THUMPD2: variants seen among roughly 807,000 people sequenced by gnomAD.
The protein encoded by THUMPD2 is THUMP domain 2 tRNA and snRNA guanosine methyltransferase.
In THUMPD2, 56 loss-of-function variants were observed where a neutral mutation model predicts 49.4. The observed-to-expected ratio is 1.13, with a 90% CI of 0.91 to 1.41. The LOEUF (loss-of-function observed/expected upper bound fraction) is 1.41, where lower values mean the gene tolerates loss of function less well. Among genes scored for constraint, THUMPD2 ranks in the 40% most tolerant of loss-of-function variants. THUMPD2 has a pLI of 0.00. For synonymous variants in THUMPD2, 237 were observed against 205.2 expected, an observed-to-expected ratio of 1.15 and a Z score of -1.32; for missense variants, 709 against 594.5, an observed-to-expected ratio of 1.19 and a Z score of -2.00.
At chr2:39,761,551 A>G in intron 5 of THUMPD2, 133 bp from the exon 6 acceptor site, 1 of 822,048 alleles carries the variant, frequency 1.2e-6, no homozygotes, top group Non-Finnish European at 1.9e-6. Flanking sequence ...CCTAAGTTAG[A>G]CAATGTTTCA....
intron 9 of THUMPD2, among the ~76,000 whole-genome samples, chr2:39,740,089 A>G (rs147461391): frequency 6.6e-6 from 1 of 152,324 alleles, no homozygotes; most frequent in Non-Finnish European, 1.5e-5. Context: ...TTTAAACTTC[A>G]GAATTATCTT....
At chr2:39,741,980 G>A (rs1010412183) in intron 9 of THUMPD2, among the ~76,000 whole-genome samples, 2 of 152,104 alleles carry the variant, frequency 1.3e-5, no homozygotes, top group South Asian at 4.2e-4. Context: ...GTAAGTTCTA[G>A]GTGGCCAGCA....
chr2:39,777,721 T>C (rs1407562537), intron 1 of THUMPD2, among the ~76,000 whole-genome samples: 3 of 152,214 alleles, frequency 2.0e-5, no homozygotes, highest in Admixed American at 6.5e-5. Flanking sequence ...GAGCAGAATA[T>C]GGAAATTCCC....
chr2:39,746,628 A>G (rs550839358), intron 8 of THUMPD2, among the ~76,000 whole-genome samples: 41 of 152,230 alleles, frequency 2.7e-4, no homozygotes, highest in Non-Finnish European at 4.9e-4. Context: ...AGGATGATTC[A>G]AGAACATGAA....
chr2:39,773,610 TATATATATATTTATATTTTA>T (rs1678658047), intron 1 of THUMPD2, among the ~76,000 whole-genome samples: 1 of 142,436 alleles, frequency 7.0e-6, no homozygotes, highest in African/African-American at 2.6e-5. Context: ...ATTTTAAAAA[TATATATATATTTATATTTTA>T]AAAATATATA....
chr2:39,773,044 G>GA (rs1678544907), intron 1 of THUMPD2, among the ~76,000 whole-genome samples: 1 of 152,110 alleles, frequency 6.6e-6, no homozygotes, highest in South Asian at 2.1e-4. Flanking sequence ...AGGAAGCAGG[G>GA]AATGAAAAGA....
chr2:39,743,263 A>G (rs1288253530), intron 9 of THUMPD2, among the ~76,000 whole-genome samples: 1 of 152,194 alleles, frequency 6.6e-6, no homozygotes, highest in Non-Finnish European at 1.5e-5. Context: ...CTGACCTCTT[A>G]TATTCATGTC....
chr2:39,751,917 G>C (rs926438459), intron 8 of THUMPD2, among the ~76,000 whole-genome samples: 3 of 152,026 alleles, frequency 2.0e-5, no homozygotes, highest in Non-Finnish European at 4.4e-5. Context: ...GAATTCTTGA[G>C]CTCAACTGAT....
intron 4 of THUMPD2, among the ~76,000 whole-genome samples, chr2:39,767,603 CAAAAA>C (rs57906396): frequency 1.5e-5 from 1 of 67,848 alleles, no homozygotes; most frequent in Non-Finnish European, 2.5e-5. Context: ...GACTCCGTCT[CAAAAA>C]AAAAAAAAAA....
intron 9 of THUMPD2, among the ~76,000 whole-genome samples, chr2:39,741,261 T>C (rs1673864503): frequency 6.6e-6 from 1 of 152,220 alleles, no homozygotes; most frequent in Non-Finnish European, 1.5e-5. Flanking sequence ...TATTTGTCCA[T>C]GGAACACATT....
intron 1 of THUMPD2, among the ~76,000 whole-genome samples, chr2:39,776,848 C>A (rs1292893543): frequency 6.6e-6 from 1 of 152,182 alleles, no homozygotes; most frequent in Non-Finnish European, 1.5e-5. Flanking sequence ...AGCACCTGGG[C>A]TTATCAGCCA....
intron 6 of THUMPD2, among the ~76,000 whole-genome samples, chr2:39,756,808 A>G (rs1194639263): frequency 6.6e-6 from 1 of 152,152 alleles, no homozygotes. Context: ...TTGACATGCT[A>G]AGAAAGTGAA....
chr2:39,763,664 C>A (rs1677127778), intron 5 of THUMPD2, among the ~76,000 whole-genome samples: 1 of 151,944 alleles, frequency 6.6e-6, no homozygotes, highest in Non-Finnish European at 1.5e-5. Flanking sequence ...CTTTTTATTT[C>A]CCTTTCATTT....
intron 8 of THUMPD2, among the ~76,000 whole-genome samples, chr2:39,752,993 C>A (rs894004381): frequency 3.9e-5 from 6 of 152,258 alleles, no homozygotes; most frequent in South Asian, 2.1e-4. Flanking sequence ...ATATAGCAGA[C>A]AAGCAATTCT....
intron 9 of THUMPD2, among the ~76,000 whole-genome samples, chr2:39,739,552 C>T (rs1673620266): frequency 6.6e-6 from 1 of 152,204 alleles, no homozygotes. Context: ...TACTGATTAA[C>T]CATCTGTCTT....
chr2:39,760,247 CATCTT>C (rs1272422373), intron 6 of THUMPD2, among the ~76,000 whole-genome samples: 16 of 152,178 alleles, frequency 1.1e-4, no homozygotes, highest in African/African-American at 3.6e-4. Flanking sequence ...CTAAAGGTCT[CATCTT>C]ATGACAGGGA....
chr2:39,775,165 G>A (rs1203080243), intron 1 of THUMPD2, among the ~76,000 whole-genome samples: 2 of 152,112 alleles, frequency 1.3e-5, no homozygotes, highest in African/African-American at 2.4e-5. Context: ...AGTCCAAGAG[G>A]CTACTCAGAA....
At position 39,779,200 on chromosome 2, in the gene THUMPD2, C is replaced by T. The variant is rs1254464885; in HGVS notation, c.40G>A (p.Ala14Thr). ...ARGEPGSGPE[A>T]GARFFCTAGR... ...GCAGTGCAGAAGAATCGGGCGCCAG[C>T]CTCAGGCCCGGACCCTGGCTCTCCA... Residue 14 changes from alanine to threonine, a missense_variant, in exon 1 of 10, where the codon GCT becomes ACT. Transcript: ENST00000505747. 2.0e-6 allele frequency: 3 copies of T among 1,517,052 alleles called. No individual in the cohort carries two copies. The highest frequency in any genetic ancestry group is 2.0e-5 in the Admixed American group (1 of 48,846). 94.0% of individuals were successfully genotyped at this position (1,517,052 alleles called of 1,614,324 possible).
rs1283811944 is a variant in THUMPD2, at chr2:39,736,938, C to T, written c.1309G>A (p.Gly437Arg). The change falls in exon 10 of 10, where the codon GGA becomes AGA. Residue 437 changes from glycine to arginine, a missense_variant. Coordinates refer to ENST00000505747, the MANE Select transcript of THUMPD2 (RefSeq NM_025264.5). Reference sequence around the variant, plus strand: ...TCAGGATTCAAGCACTTTTTAATTCCAGGTTCATCTGTGTGACTGTCCTTG... The same window carrying T: ...TCAGGATTCAAGCACTTTTTAATTCTAGGTTCATCTGTGTGACTGTCCTTG... ...NSKDSHTDEPGIKKCLNPEEK... is the reference protein window; with the variant it reads ...NSKDSHTDEPRIKKCLNPEEK... The T allele has an allele frequency of 1.2e-6, 2 of 1,613,924 alleles. No individual in the cohort carries two copies. The highest frequency in any genetic ancestry group is 3.3e-5 in the Admixed American group (2 of 59,988).
Sources: gnomAD v4.1 joint callset for allele counts (sites outside exome capture counted in the v4.1 genomes callset) on GRCh38, gnomAD v4.1.1 for gene constraint, MANE v1.5 for transcripts, NCBI Gene and HGNC (gene_info 2026-07-23, HGNC 2026-07-21) for gene names.